The following AHDC1 variants were observed in gnomAD, a reference collection of about 807,000 sequenced individuals.
AHDC1 encodes the protein AT-hook DNA binding motif containing 1, also known as transcription factor Gibbin.
AHDC1 carries 7 observed loss-of-function variants against 87.9 expected under a neutral mutation model. The observed-to-expected ratio is 0.08, with a 90% CI of 0.05 to 0.15. The LOEUF (loss-of-function observed/expected upper bound fraction) is 0.15. Among genes scored for constraint, AHDC1 ranks in the 10% least tolerant of loss-of-function variants. The pLI is 1.00. For synonymous variants in AHDC1, 1,051 were observed against 1,006.8 expected, an observed-to-expected ratio of 1.04 and a Z score of -0.83; for missense variants, 1,841 against 2,253.2, an observed-to-expected ratio of 0.82 and a Z score of 3.70.
Position 27,595,450 on chromosome 1 carries a change from C to CTGTGTGTG in AHDC1, c.-629+7939_-629+7946dup, listed in dbSNP as rs372265193. Among the ~76,000 whole-genome samples the CTGTGTGTG allele has an allele frequency of 0.01, 1,502 of 144,766 alleles. 21 individuals are homozygous for CTGTGTGTG. Among genetic ancestry groups the CTGTGTGTG allele is most frequent in the African/African-American group, 0.035 (1,364 of 38,804 alleles). The allele number at this position is 144,766 out of a possible 152,430, so 95.0% of individuals were successfully genotyped here. A position where few individuals can be genotyped will look rare whatever the true frequency, so the allele number is the denominator to read the frequency against. ...GGTTGATATGCTGAGGGTGTGATAG[C>CTGTGTGTG]TGTGTGTGTGTGTGTGTGTGATTGT... On this transcript the variant is annotated intron_variant, in intron 3 of 8. Transcript: ENST00000673934. The surrounding 1 kb of genome is among the most constrained non-coding windows in gnomAD (Gnocchi z 4.0).
intron 8 of AHDC1, among the ~76,000 whole-genome samples, chr1:27,535,641 A>G (rs2018605943): frequency 6.6e-6 from 1 of 152,066 alleles, no homozygotes. Context: ...GTGAGGAGGA[A>G]GTCTTTCTCA....
rs926606292 is a variant in AHDC1, at chr1:27,565,683, C to G, written c.-628-6800G>C. ...CAGACATGAAGCAAGGATAGTATCC[C>G]TATACCATCTGGGGAAACTGAGGCA... On this transcript the variant is annotated intron_variant, in intron 3 of 8. Transcript: ENST00000673934. The surrounding 1 kb of genome is among the most constrained non-coding windows in gnomAD (Gnocchi z 4.6). Among the ~76,000 whole-genome samples, 1 of 152,184 alleles carries G rather than the reference C, an allele frequency of 6.6e-6. No individual in the cohort carries two copies. The highest frequency in any genetic ancestry group is 6.5e-5 in the Admixed American group (1 of 15,282).
chr1:27,553,654 G>A (rs964509737), intron 5 of AHDC1: 1 of 152,140 alleles, frequency 6.6e-6, no homozygotes, highest in South Asian at 2.1e-4. Context: ...CAGTCTTACA[G>A]AAACTACCCC....
chr1:27,578,963 TG>T lies in AHDC1; in HGVS notation c.-628-20081del, dbSNP rs2088833572. ...CACCTGCCTCGGCCTCCCAAAGTGC[TG>T]GGATTACAGGCGTGAGCCACCACAC... is the stretch of plus-strand genomic sequence containing the variant. On this transcript the variant is annotated intron_variant, in intron 3 of 8. Coordinates refer to ENST00000673934, the MANE Select transcript of AHDC1 (RefSeq NM_001371928.1). 2.6e-5 allele frequency among the ~76,000 whole-genome samples: 4 copies of T among 152,140 alleles called. No homozygotes were observed. The South Asian group carries it at 8.3e-4, about 32-fold the overall frequency.
In AHDC1 at chr1:27,560,238, C is replaced by A. The variant is rs2020012049; in HGVS notation, c.-628-1355G>T. On this transcript the variant is annotated intron_variant, in intron 3 of 8. Coordinates refer to ENST00000673934, the MANE Select transcript of AHDC1 (RefSeq NM_001371928.1). This position sits in a 1 kb window ranked among gnomAD's most constrained non-coding sequence, Gnocchi z 4.1. ...TGTGTGTGTGTGAGTCTAGCTAAGC[C>A]TGTTTGTGTGTGAGGACACAGGGGT... 6.6e-6 allele frequency among the ~76,000 whole-genome samples: 1 copy of A among 150,874 alleles called. No homozygotes were observed. The highest frequency in any genetic ancestry group is 1.5e-5 in the Non-Finnish European group (1 of 67,706).
chr1:27,596,154 C>T (rs2089365342), intron 3 of AHDC1, among the ~76,000 whole-genome samples: 1 of 152,012 alleles, frequency 6.6e-6, no homozygotes, highest in South Asian at 2.1e-4. Flanking sequence ...CGCTAGAACC[C>T]CTATGGTATG....
At chr1:27,566,869 C>T (rs1007032094) in intron 3 of AHDC1, among the ~76,000 whole-genome samples, 3 of 149,762 alleles carry the variant, frequency 2.0e-5, no homozygotes, top group Non-Finnish European at 3.0e-5. Flanking sequence ...GCCATGGAGG[C>T]GGGCACGGCA....
At chr1:27,554,604 G>A (rs1255490567) in intron 5 of AHDC1, among the ~76,000 whole-genome samples, 2 of 152,150 alleles carry the variant, frequency 1.3e-5, no homozygotes, top group Non-Finnish European at 2.9e-5. Context: ...CCCAGGAGCC[G>A]GGATCTCAGG....
chr1:27,570,093 C>T (rs1010553272), intron 3 of AHDC1, among the ~76,000 whole-genome samples: 2 of 151,920 alleles, frequency 1.3e-5, no homozygotes, highest in Admixed American at 6.5e-5. Flanking sequence ...GGGCCCCCAG[C>T]GGGTCTCAGG....
Position 27,548,113 on chromosome 1 carries a change from C to T in AHDC1, c.4003G>A (p.Val1335Met), listed in dbSNP as rs199950842. Reference sequence around the variant, plus strand: ...AAGTCACAGGGGTCTCGCTCTCCCACGCCGAAGGCCCTCGACTGTGAGGGC... The same window carrying T: ...AAGTCACAGGGGTCTCGCTCTCCCATGCCGAAGGCCCTCGACTGTGAGGGC... Reference protein sequence around the residue: ...PLPSQSRAFGVGERDPCDFIG... With the variant: ...PLPSQSRAFGMGERDPCDFIG... The change falls in exon 8 of 9, where the codon GTG (valine) becomes ATG (methionine). Residue 1335 changes from valine (V) to methionine (M), a missense_variant. Physicochemically the swap from Val to Met is conservative, Grantham distance 21. Around this residue, in one of 13 missense-constraint regions of AHDC1, gnomAD observed 505 missense variants for 626.2 expected, o/e 0.81. Transcript: ENST00000673934. 3.0e-5 allele frequency: 49 copies of T among 1,613,828 alleles called. No individual in the cohort carries two copies. Among genetic ancestry groups the T allele is most frequent in the Admixed American group, 5.0e-5 (3 of 60,014 alleles).
In AHDC1 at chr1:27,547,279, G is replaced by A. The variant is rs1384312983; in HGVS notation, c.*25C>T. On this transcript the variant is annotated 3_prime_UTR_variant, in exon 8 of 9. Transcript: ENST00000673934. This position sits in a 1 kb window ranked among gnomAD's most constrained non-coding sequence, Gnocchi z 4.9. ...GACTCACCCAGGAACAAAACCTCGC[G>A]GTCCAGTCGGCACTTCAGTTGGCAC... 18 of 1,513,942 alleles carry A rather than the reference G, an allele frequency of 1.2e-5. No homozygotes were observed. Among genetic ancestry groups the A allele is most frequent in the East Asian group, 2.3e-5 (1 of 43,740 alleles). 93.8% of individuals were successfully genotyped at this position (1,513,942 alleles called of 1,614,324 possible).
In AHDC1 at chr1:27,548,383, A is replaced by G. The variant is rs375139872; in HGVS notation, c.3733T>C (p.Ser1245Pro). Residue 1245 changes from serine (S) to proline (P), a missense_variant, in exon 8 of 9, where the codon TCA (serine) becomes CCA (proline). By Grantham distance (74) the Ser-to-Pro change is moderately conservative. Coordinates refer to ENST00000673934, the MANE Select transcript of AHDC1 (RefSeq NM_001371928.1). ...RRKKVDLFEA[S>P]HLGFPTSASA... ...GCGGATGTCGGGAAGCCCAGATGTGAGGCCTCGAACAGGTCCACCTTCTTC... is the reference window on the plus strand; with the variant it reads ...GCGGATGTCGGGAAGCCCAGATGTGGGGCCTCGAACAGGTCCACCTTCTTC... 5.0e-6 allele frequency: 8 copies of G among 1,607,170 alleles called. No individual in the cohort carries two copies. Among genetic ancestry groups the G allele is most frequent in the East Asian group, 2.2e-5 (1 of 44,694 alleles).
intron 3 of AHDC1, among the ~76,000 whole-genome samples, chr1:27,578,437 A>G (rs944424493): frequency 6.6e-6 from 1 of 151,724 alleles, no homozygotes; most frequent in South Asian, 2.1e-4. Flanking sequence ...AAAAATACAA[A>G]AATTAGCTGG....
At chr1:27,580,788 G>C (rs1188325230) in intron 3 of AHDC1, among the ~76,000 whole-genome samples, 1 of 152,092 alleles carries the variant, frequency 6.6e-6, no homozygotes, top group Non-Finnish European at 1.5e-5. Flanking sequence ...TAGTTCCATA[G>C]ATGGACTTCA....
At chr1:27,569,141 C>G (rs951020308) in intron 3 of AHDC1, among the ~76,000 whole-genome samples, 1 of 150,600 alleles carries the variant, frequency 6.6e-6, no homozygotes, top group Admixed American at 6.6e-5. Context: ...GGGACACTGA[C>G]GCAGTCACAT....
rs1228244405 is a variant in AHDC1 at position 27,565,263 on chromosome 1, G to C, written c.-628-6380C>G. 6.6e-6 allele frequency among the ~76,000 whole-genome samples: 1 copy of C among 152,018 alleles called. No individual in the cohort carries two copies. The highest frequency in any genetic ancestry group is 2.4e-5 in the African/African-American group (1 of 41,400). On this transcript the variant is annotated intron_variant, in intron 3 of 8. Transcript: ENST00000673934. The surrounding 1 kb of genome is among the most constrained non-coding windows in gnomAD (Gnocchi z 4.6). ...CCCTACTCCCCCGCCTGGCCCCTTG[G>C]TGAGTAGTGCCCAGACCCCAGGATC... is the stretch of plus-strand genomic sequence containing the variant.
rs753448843 is a variant in AHDC1, at chr1:27,547,753, G to A, written c.4363C>T (p.His1455Tyr). ...CCCTTGCAGCTGGGGGAATCGTAGT[G>A]GGGCTGGCCCAGCGGCAGGTCCCGG... ...SCRDLPLGQP[H>Y]YDSPSCKGTA... Residue 1455 changes from histidine to tyrosine, a missense_variant, in exon 8 of 9, where the codon CAC (histidine) becomes TAC (tyrosine). Physicochemically the swap from His to Tyr is moderately conservative, Grantham distance 83. Around this residue, in one of 13 missense-constraint regions of AHDC1, gnomAD observed 505 missense variants for 626.2 expected, o/e 0.81. Transcript: ENST00000673934. This position sits in a 1 kb window ranked among gnomAD's most constrained non-coding sequence, Gnocchi z 4.9. The A allele has an allele frequency of 1.9e-6, 3 of 1,591,626 alleles. No homozygotes were observed. The highest frequency in any genetic ancestry group is 1.7e-5 in the Admixed American group (1 of 58,726).
At chr1:27,589,102 AGGTGGGGGCTGGCCCTGGGCCCAG>A (rs1009108202) in intron 3 of AHDC1, among the ~76,000 whole-genome samples, 4 of 150,626 alleles carry the variant, frequency 2.7e-5, no homozygotes, top group African/African-American at 9.8e-5. Context: ...CTGGTGCCAG[AGGTGGGGGCTGGCCCTGGGCCCAG>A]GGTGGGGGGT....
chr1:27,543,894 G>T (rs1343352938), intron 8 of AHDC1, among the ~76,000 whole-genome samples: 2 of 151,834 alleles, frequency 1.3e-5, no homozygotes, highest in Non-Finnish European at 2.9e-5. Context: ...AGTGAGCCGA[G>T]ATCGTGCCAC....
Sources: gnomAD v4.1 joint callset for allele counts (sites outside exome capture counted in the v4.1 genomes callset) on GRCh38, gnomAD v4.1.1 for gene constraint, gnomAD v4.1.1 regional missense constraint, Gnocchi (gnomAD v3.1) non-coding constraint, MANE v1.5 for transcripts, NCBI Gene and HGNC (gene_info 2026-07-23, HGNC 2026-07-21) for gene names.